Variants in CYP3A4 observed in about 807,000 individuals in gnomAD.
CYP3A4 encodes the protein cytochrome P450 family 3 subfamily A member 4, also known as cytochrome P450 3A4.
A neutral mutation model predicts 54.9 loss-of-function variants in CYP3A4; 41 were observed. That is an observed-to-expected ratio of 0.75 (90% CI 0.58 to 0.97). The LOEUF (loss-of-function observed/expected upper bound fraction) is 0.97. CYP3A4 is among the 50% of genes least tolerant of loss of function. The probability of loss-of-function intolerance (pLI) is 0.00; values close to 1 mark genes in which losing one functional copy is unlikely to be tolerated. For synonymous variants in CYP3A4, 179 were observed against 205.2 expected, an observed-to-expected ratio of 0.87 and a Z score of 1.09; for missense variants, 510 against 597.3, an observed-to-expected ratio of 0.85 and a Z score of 1.52.
Position 99,757,450 on chromosome 7 carries a change from G to C in CYP3A4, c.*683C>G, listed in dbSNP as rs28988604. 1 of 152,392 alleles carries C rather than the reference G, an allele frequency of 6.6e-6. No homozygotes were observed. Among genetic ancestry groups the C allele is most frequent in the Non-Finnish European group, 1.5e-5 (1 of 68,250 alleles). The allele number at this position is 152,392 out of a possible 1,614,324, so 9.4% of individuals were successfully genotyped here. A position where few individuals can be genotyped will look rare whatever the true frequency, so the allele number is the denominator to read the frequency against. On this transcript the variant is annotated 3_prime_UTR_variant, in exon 13 of 13. Coordinates refer to ENST00000651514, the MANE Select transcript of CYP3A4 (RefSeq NM_017460.6). ...CTCCCAAACTGCTAGGATTACAGGC[G>C]TGAGCCACTGTGCCTGATCAAAAAA...
intron 2 of CYP3A4, 120 bp downstream of exon 2, chr7:99,779,872 C>A: frequency 1.1e-6 from 1 of 909,532 alleles, no homozygotes; most frequent in Non-Finnish European, 1.7e-6. Flanking sequence ...GATGCCTACA[C>A]ACTGTTTCTG....
At position 99,778,043 on chromosome 7, in the gene CYP3A4, T is replaced by C. The variant is rs59418896; in HGVS notation, c.203A>G (p.Tyr68Cys). The C allele has an allele frequency of 5.4e-5, 87 of 1,612,928 alleles. No homozygotes were observed. The highest frequency in any genetic ancestry group is 7.1e-5 in the Non-Finnish European group (84 of 1,179,232). ...CMFDMECHKKYGKVWGFYDGQ... is the reference protein window; with the variant it reads ...CMFDMECHKKCGKVWGFYDGQ... ...GAATACTCACCCCCACACTTTTCCA[T>C]ACTTTTTATGACATTCCATGTCAAA... The change falls in exon 3 of 13, where the codon TAT becomes TGT. Residue 68 changes from tyrosine to cysteine, a missense_variant. Around this residue, in one of 2 missense-constraint regions of CYP3A4, gnomAD observed 272 missense variants for 274.9 expected, o/e 0.99. Coordinates refer to ENST00000651514, the MANE Select transcript of CYP3A4 (RefSeq NM_017460.6).
chr7:99,762,347 A>G, intron 10 of CYP3A4, 80 bp from the exon 11 acceptor site: 1 of 1,524,306 alleles, frequency 6.6e-7, no homozygotes, highest in Non-Finnish European at 8.9e-7. Context: ...CTAATGAAGT[A>G]TTAGGAGCTC....
chr7:99,783,707 C>G (rs1299322230), intron 1 of CYP3A4, among the ~76,000 whole-genome samples: 1 of 145,188 alleles, frequency 6.9e-6, no homozygotes, highest in Admixed American at 7.4e-5. Flanking sequence ...CTGCCGGGTT[C>G]AAGCAATTCT....
chr7:99,783,046 T>C (rs1815966876), intron 1 of CYP3A4, among the ~76,000 whole-genome samples: 2 of 152,226 alleles, frequency 1.3e-5, no homozygotes, highest in South Asian at 2.1e-4. Flanking sequence ...ATTTAAGCCA[T>C]ATCAATTAGT....
In CYP3A4 at chr7:99,766,540, G is replaced by T. The variant is rs1290134387; in HGVS notation, c.799-97C>A. 1.4e-5 allele frequency: 21 copies of T among 1,449,034 alleles called. No homozygotes were observed. The African/African-American group carries it at 2.7e-4, about 18-fold the overall frequency. The allele number at this position is 1,449,034 out of a possible 1,614,324, so 89.8% of individuals were successfully genotyped here. On this transcript the variant is annotated intron_variant, in intron 8 of 12. Transcript: ENST00000651514. Reference sequence around the variant, plus strand: ...CCTTGATCTCCCTTCTGAGAATATGGCTCCTTGAAGACCAGAAATCTGATG... The same window carrying T: ...CCTTGATCTCCCTTCTGAGAATATGTCTCCTTGAAGACCAGAAATCTGATG...
chr7:99,777,405 G>A, intron 3 of CYP3A4, among the ~76,000 whole-genome samples: 1 of 151,904 alleles, frequency 6.6e-6, no homozygotes, highest in East Asian at 1.9e-4. Flanking sequence ...TGGGATCCTT[G>A]GTAGGACAAC....
At chr7:99,761,180 A>G (rs543655309) in intron 11 of CYP3A4, among the ~76,000 whole-genome samples, 199 bp from the exon 12 acceptor site, 2 of 152,272 alleles carry the variant, frequency 1.3e-5, no homozygotes, top group African/African-American at 4.8e-5. Flanking sequence ...TCCTGACACT[A>G]TAGGAGCTTT....
intron 3 of CYP3A4, among the ~76,000 whole-genome samples, chr7:99,777,479 TGTGTGTGTG>T (rs1277697883): frequency 2.0e-3 from 2 of 1,002 alleles, no homozygotes; most frequent in Non-Finnish European, 0.022. Context: ...TCACTAGTTG[TGTGTGTGTG>T]TGTGTGTGTG....
chr7:99,772,728 CT>C, intron 3 of CYP3A4, 39 bp from the exon 4 acceptor site: 1 of 1,606,586 alleles, frequency 6.2e-7, no homozygotes, highest in Non-Finnish European at 8.5e-7. Context: ...CATCAACAGC[CT>C]TATTCTACAG....
At chr7:99,769,394 C>T in intron 6 of CYP3A4, 1 of 264,066 alleles carries the variant, frequency 3.8e-6, no homozygotes, top group South Asian at 5.5e-5. Flanking sequence ...CTCTCCCAAC[C>T]TACTCACTGC....
rs532272382 is a variant in CYP3A4, at chr7:99,776,419, T to TA, written c.218+1608dup. 1.2e-3 allele frequency among the ~76,000 whole-genome samples: 178 copies of TA among 152,222 alleles called. No individual in the cohort carries two copies. The South Asian group carries it at 0.012, about 10-fold the overall frequency. On this transcript the variant is annotated intron_variant, in intron 3 of 12. Transcript: ENST00000651514. ...ATGTTTATTGCAGAACTATTCACAA[T>TA]ACCAAAGACTTGGAACCAACCCAAA...
chr7:99,762,337 C>T (rs1244967617), intron 10 of CYP3A4, 70 bp from the exon 11 acceptor site: 4 of 1,551,678 alleles, frequency 2.6e-6, no homozygotes, highest in East Asian at 2.3e-5. Flanking sequence ...CCATGCAGTA[C>T]TAATGAAGTA....
intron 8 of CYP3A4, 83 bp from the exon 9 acceptor site, chr7:99,766,526 C>G (rs560751937): frequency 6.4e-7 from 1 of 1,556,772 alleles, no homozygotes; most frequent in South Asian, 1.1e-5. Flanking sequence ...CTTGATCTCC[C>G]TTCTGAGAAT....
Position 99,769,784 on chromosome 7 carries a change from G to A in CYP3A4, c.505C>T (p.Pro169Ser), listed in dbSNP as rs763047916. The part of the protein sequence containing the change: ...NLRREAETGK[P>S]VTLKDVFGAY... ...TCTACTTACTCTTTCAAGGTGACAG[G>A]CTTGCCTGTCTCTGCTTCCCGCCTC... The change falls in exon 6 of 13, where the codon CCT becomes TCT. Residue 169 changes from proline to serine, a missense_variant. Physicochemically the swap from Pro to Ser is moderately conservative, Grantham distance 74. This residue lies in a region of CYP3A4 where 272 missense variants were observed against 274.9 expected (regional missense o/e 0.99). Transcript: ENST00000651514. 1 of 1,613,922 alleles carries A rather than the reference G, an allele frequency of 6.2e-7. No homozygotes were observed. The highest frequency in any genetic ancestry group is 1.7e-5 in the Admixed American group (1 of 60,002).
At chr7:99,764,189 T>A (rs980081980) in intron 9 of CYP3A4, among the ~76,000 whole-genome samples, 174 bp from the exon 10 acceptor site, 1 of 152,120 alleles carries the variant, frequency 6.6e-6, no homozygotes, top group Non-Finnish European at 1.5e-5. Flanking sequence ...AGAACCAGAA[T>A]AAGGCAAATC....
intron 9 of CYP3A4, among the ~76,000 whole-genome samples, chr7:99,765,766 T>C (rs569556452): frequency 1.3e-5 from 2 of 152,280 alleles, no homozygotes; most frequent in African/African-American, 2.4e-5. Flanking sequence ...AGGTGAAACA[T>C]TGAAGACAAA....
intron 2 of CYP3A4, among the ~76,000 whole-genome samples, chr7:99,779,142 A>C (rs1245629860): frequency 6.6e-6 from 1 of 152,160 alleles, no homozygotes; most frequent in East Asian, 1.9e-4. Flanking sequence ...GGCACATATT[A>C]TATTCTATTC....
chr7:99,773,685 A>G (rs1815689618), intron 3 of CYP3A4, among the ~76,000 whole-genome samples: 1 of 152,236 alleles, frequency 6.6e-6, no homozygotes, highest in Non-Finnish European at 1.5e-5. Flanking sequence ...TCTCTGGGAC[A>G]CATTTAAAGC....
Sources: allele counts gnomAD v4.1 joint callset (sites outside exome capture counted in the v4.1 genomes callset), GRCh38; gene constraint gnomAD v4.1.1; regional missense constraint gnomAD v4.1.1; transcripts MANE v1.5; gene names NCBI Gene and HGNC (gene_info 2026-07-23, HGNC 2026-07-21).